Variants in UBE2E2 observed in about 807,000 individuals in gnomAD.
UBE2E2 encodes ubiquitin-conjugating enzyme E2 E2.
Under a neutral mutation model 24.7 loss-of-function variants are expected in UBE2E2, and 6 were observed. The observed-to-expected ratio is 0.24, with a 90% CI of 0.13 to 0.48. UBE2E2 has a LOEUF of 0.48. Among genes scored for constraint, UBE2E2 ranks in the 20% least tolerant of loss-of-function variants. The probability of loss-of-function intolerance (pLI) is 0.99; values close to 1 mark genes in which losing one functional copy is unlikely to be tolerated. For missense variants in UBE2E2, 169 were observed against 245.0 expected (o/e 0.69, Z 2.07); for synonymous variants, 104 against 83.6 (o/e 1.24, Z -1.33).
rs912551079 is a variant in UBE2E2, at chr3:23,474,681, T to C, written c.228-24927T>C. On this transcript the variant is annotated intron_variant, in intron 3 of 5. Transcript: ENST00000396703. This position sits in a 1 kb window ranked among gnomAD's most constrained non-coding sequence, Gnocchi z 4.0. ...AATAAAACTATGCTGTTTCCACTTA[T>C]GTGGTAATAATGCGTTAGACCAATT... Among the ~76,000 whole-genome samples, 11 of 152,124 alleles carry C rather than the reference T, an allele frequency of 7.2e-5. No homozygotes were observed. In the East Asian group the frequency reaches 7.7e-4, roughly 11 times the overall value.
chr3:23,589,474 G>T lies in UBE2E2; in HGVS notation c.509-260G>T, dbSNP rs1452170103. On this transcript the variant is annotated intron_variant, in intron 5 of 5. Transcript: ENST00000396703. This position sits in a 1 kb window ranked among gnomAD's most constrained non-coding sequence, Gnocchi z 4.1. ...AGGGGAGCAAGGTGAGAAGTATGTG[G>T]TGGGTACAGGGAAAGAGAATAAGAC... 2.6e-5 allele frequency among the ~76,000 whole-genome samples: 4 copies of T among 152,044 alleles called. No homozygotes were observed. The highest frequency in any genetic ancestry group is 5.9e-5 in the Non-Finnish European group (4 of 67,988).
chr3:23,361,642 A>G (rs373979120), intron 3 of UBE2E2, among the ~76,000 whole-genome samples: 2 of 152,214 alleles, frequency 1.3e-5, no homozygotes, highest in South Asian at 2.1e-4. Context: ...ATGCAAAGGC[A>G]TAAGAGTGGT....
At chr3:23,522,640 T>C (rs981892830) in intron 4 of UBE2E2, among the ~76,000 whole-genome samples, 1 of 152,122 alleles carries the variant, frequency 6.6e-6, no homozygotes, top group Non-Finnish European at 1.5e-5. Flanking sequence ...ATTGAGCTGG[T>C]TTCAGGCAAC....
At chr3:23,337,585 C>T (rs924791019) in intron 3 of UBE2E2, among the ~76,000 whole-genome samples, 1 of 152,100 alleles carries the variant, frequency 6.6e-6, no homozygotes, top group Non-Finnish European at 1.5e-5. Flanking sequence ...GACAACTTTA[C>T]TGAGGAATAA....
chr3:23,217,997 G>T (rs1575477675), intron 3 of UBE2E2, among the ~76,000 whole-genome samples: 4 of 152,084 alleles, frequency 2.6e-5, no homozygotes. Flanking sequence ...TGGCTGTTTG[G>T]TTATTTTTAA....
intron 3 of UBE2E2, among the ~76,000 whole-genome samples, chr3:23,492,628 C>T (rs1226111661): frequency 6.6e-6 from 1 of 152,076 alleles, no homozygotes; most frequent in East Asian, 1.9e-4. Context: ...TTTAAAAAGC[C>T]CATTCCCCTT....
chr3:23,226,039 A>G (rs1696814520), intron 3 of UBE2E2, among the ~76,000 whole-genome samples: 2 of 152,000 alleles, frequency 1.3e-5, no homozygotes, highest in Non-Finnish European at 1.5e-5. Context: ...GCCACCATGC[A>G]TGGCTAATGT....
In UBE2E2 at chr3:23,318,603, C is replaced by T. The variant is rs549873558; in HGVS notation, c.227+101291C>T. Among the ~76,000 whole-genome samples, 30 of 152,054 alleles carry T rather than the reference C, an allele frequency of 2.0e-4. No homozygotes were observed. The South Asian group carries it at 6.2e-3, about 32-fold the overall frequency. On this transcript the variant is annotated intron_variant, in intron 3 of 5. Transcript: ENST00000396703. ...GGCAAAAGGCACGTCTATGTGGTGG[C>T]AGGCATGAGAGAAAATGAGAGCCAA... is the stretch of plus-strand genomic sequence containing the variant.
At chr3:23,355,564 A>G (rs745560793) in intron 3 of UBE2E2, among the ~76,000 whole-genome samples, 125 of 152,292 alleles carry the variant, frequency 8.2e-4, no homozygotes, top group Admixed American at 1.4e-3. Context: ...TCCTGTGATG[A>G]TTTGAAATAG....
intron 3 of UBE2E2, among the ~76,000 whole-genome samples, chr3:23,375,562 T>C (rs2125344623): frequency 6.6e-6 from 1 of 152,278 alleles, no homozygotes; most frequent in Middle Eastern, 3.4e-3. Context: ...TGGTTAAATG[T>C]TTAGTAGAGG....
At chr3:23,534,147 T>G in intron 5 of UBE2E2, 1 of 959,562 alleles carries the variant, frequency 1.0e-6, no homozygotes, top group Non-Finnish European at 1.2e-6. Context: ...TTTTTTTTTT[T>G]TTGAGGTGAT....
At chr3:23,533,023 A>G (rs1695159535) in intron 5 of UBE2E2, among the ~76,000 whole-genome samples, 1 of 152,192 alleles carries the variant, frequency 6.6e-6, no homozygotes, top group Admixed American at 6.5e-5. Context: ...GAATAGCTTA[A>G]TCTTTAATTA....
chr3:23,269,375 G>C (rs954687657), intron 3 of UBE2E2, among the ~76,000 whole-genome samples: 2 of 152,156 alleles, frequency 1.3e-5, no homozygotes, highest in Non-Finnish European at 2.9e-5. Context: ...AAACCCGCTT[G>C]GAGTTGGCGT....
At chr3:23,348,960 G>A (rs1377287985) in intron 3 of UBE2E2, among the ~76,000 whole-genome samples, 1 of 152,174 alleles carries the variant, frequency 6.6e-6, no homozygotes, top group East Asian at 1.9e-4. Flanking sequence ...TGCAGAGAAA[G>A]CAACCAAGAG....
chr3:23,298,485 C>G (rs544879551), intron 3 of UBE2E2, among the ~76,000 whole-genome samples: 2 of 152,104 alleles, frequency 1.3e-5, no homozygotes, highest in African/African-American at 2.4e-5. Flanking sequence ...TTATTGAGAG[C>G]TTTTAGCATG....
At chr3:23,497,947 A>G (rs1296988959) in intron 3 of UBE2E2, among the ~76,000 whole-genome samples, 1 of 152,110 alleles carries the variant, frequency 6.6e-6, no homozygotes, top group Non-Finnish European at 1.5e-5. Flanking sequence ...CCTCATCAAC[A>G]TGTGGTTTTG....
At chr3:23,545,708 C>T (rs1695507191) in intron 5 of UBE2E2, among the ~76,000 whole-genome samples, 1 of 152,142 alleles carries the variant, frequency 6.6e-6, no homozygotes, top group Admixed American at 6.6e-5. Flanking sequence ...AAGACACCTG[C>T]ACATATATGT....
chr3:23,343,789 G>C (rs940926526), intron 3 of UBE2E2, among the ~76,000 whole-genome samples: 2 of 152,010 alleles, frequency 1.3e-5, no homozygotes, highest in African/African-American at 4.8e-5. Flanking sequence ...GACTGTTTTG[G>C]GACTGTACAT....
chr3:23,292,048 C>CG (rs576586751), intron 3 of UBE2E2, among the ~76,000 whole-genome samples: 1 of 151,804 alleles, frequency 6.6e-6, no homozygotes, highest in Admixed American at 6.6e-5. Flanking sequence ...TTAGTAGAGA[C>CG]GGGGTTTCAC....
Sources: allele counts gnomAD v4.1 joint callset (sites outside exome capture counted in the v4.1 genomes callset), GRCh38; gene constraint gnomAD v4.1.1; non-coding constraint Gnocchi (gnomAD v3.1); transcripts MANE v1.5; gene names NCBI Gene and HGNC (gene_info 2026-07-23, HGNC 2026-07-21).